PCMT1: variants seen among roughly 807,000 people sequenced by gnomAD.
PCMT1 encodes protein-L-isoaspartate (D-aspartate) O-methyltransferase, also known as protein-L-isoaspartate(D-aspartate) O-methyltransferase.
PCMT1 carries 9 observed loss-of-function variants against 29.2 expected under a neutral mutation model. That is an observed-to-expected ratio of 0.31 (90% CI 0.19 to 0.54). The LOEUF (loss-of-function observed/expected upper bound fraction) is 0.54. Among genes scored for constraint, PCMT1 ranks in the 20% least tolerant of loss-of-function variants. The pLI is 0.95. For synonymous variants in PCMT1, 98 were observed against 97.5 expected, an observed-to-expected ratio of 1.00 and a Z score of -0.03; for missense variants, 184 against 282.2, an observed-to-expected ratio of 0.65 and a Z score of 2.49.
intron 7 of PCMT1, among the ~76,000 whole-genome samples, chr6:149,804,604 C>G (rs1775953498): frequency 6.6e-6 from 1 of 152,058 alleles, no homozygotes; most frequent in Non-Finnish European, 1.5e-5. Flanking sequence ...ACCTCCGTCT[C>G]CCAGGTTCAA....
chr6:149,805,531 T>C (rs1033191671), intron 7 of PCMT1, among the ~76,000 whole-genome samples: 1 of 151,264 alleles, frequency 6.6e-6, no homozygotes, highest in Non-Finnish European at 1.5e-5. Context: ...GAGGCCGAGC[T>C]TGCAGTGAGC....
chr6:149,775,673 A>C (rs1357840364), intron 3 of PCMT1, among the ~76,000 whole-genome samples: 1 of 152,282 alleles, frequency 6.6e-6, no homozygotes, highest in East Asian at 1.9e-4. Flanking sequence ...GTGCTACTGC[A>C]CTCCAGCCTG....
chr6:149,804,943 T>A (rs751150015), intron 7 of PCMT1, among the ~76,000 whole-genome samples: 6 of 152,126 alleles, frequency 3.9e-5, no homozygotes, highest in Non-Finnish European at 5.9e-5. Context: ...CTATTTGTAT[T>A]AAGAAATTTA....
intron 1 of PCMT1, among the ~76,000 whole-genome samples, chr6:149,768,936 T>C (rs1171830516): frequency 6.6e-6 from 1 of 152,124 alleles, no homozygotes; most frequent in African/African-American, 2.4e-5. Flanking sequence ...TGGCTAATTA[T>C]TTTTGCCTTG....
intron 2 of PCMT1, 31 bp from the exon 3 acceptor site, chr6:149,773,107 C>A (rs751204107): frequency 6.4e-7 from 1 of 1,561,736 alleles, no homozygotes; most frequent in Non-Finnish European, 8.8e-7. Flanking sequence ...TTACAGCTGA[C>A]TGTATCAGTA....
intron 3 of PCMT1, among the ~76,000 whole-genome samples, chr6:149,775,935 G>A (rs952689527): frequency 3.3e-5 from 5 of 152,068 alleles, no homozygotes; most frequent in Non-Finnish European, 5.9e-5. Context: ...CAAAGTGGGC[G>A]AATCACCAGA....
intron 6 of PCMT1, chr6:149,796,758 C>A: frequency 3.0e-6 from 1 of 337,942 alleles, no homozygotes; most frequent in South Asian, 1.0e-4. Flanking sequence ...TTGGGAAAAT[C>A]CCTCTGGAGT....
intron 3 of PCMT1, among the ~76,000 whole-genome samples, chr6:149,788,916 A>G (rs889893298): frequency 2.0e-5 from 3 of 152,124 alleles, no homozygotes; most frequent in Admixed American, 6.5e-5. Flanking sequence ...TGCATTCATT[A>G]TGTATCTATA....
At position 149,769,770 on chromosome 6, in the gene PCMT1, ATTTTTTTTTTTT is replaced by A. The variant is rs34274281; in HGVS notation, c.56-1377_56-1366del. Reference sequence around the variant, plus strand: ...TGTGCCATGATCCCCAGCTAATTAAATTTTTTTTTTTTTTTTTTTTTTTTTTGTGGAGACAGG... The same window carrying A: ...TGTGCCATGATCCCCAGCTAATTAAATTTTTTTTTTTTTTGTGGAGACAGG... On this transcript the variant is annotated intron_variant, in intron 1 of 7. Transcript: ENST00000464889. 2.5e-3 allele frequency among the ~76,000 whole-genome samples: 247 copies of A among 99,738 alleles called. 5 individuals carry two copies. The highest frequency in any genetic ancestry group is 0.024 in the Admixed American group (181 of 7,660). 65.4% of individuals were successfully genotyped at this position (99,738 alleles called of 152,430 possible).
At position 149,809,052 on chromosome 6, in the gene PCMT1, C is replaced by T. The variant is rs561012931; in HGVS notation, c.*38-1564C>T. ...GGCAGATCACTTGAGGTCAGGAGTT[C>T]GAGACCAGCCTGAGCAACGTGGTGA... is the stretch of plus-strand genomic sequence containing the variant. On this transcript the variant is annotated intron_variant, in intron 7 of 7. Transcript: ENST00000464889. Among the ~76,000 whole-genome samples the T allele has an allele frequency of 2.1e-4, 32 of 150,038 alleles. No homozygotes were observed. In the East Asian group the frequency reaches 4.2e-3, roughly 19 times the overall value.
At chr6:149,766,500 A>G (rs1312790081) in intron 1 of PCMT1, among the ~76,000 whole-genome samples, 3 of 152,244 alleles carry the variant, frequency 2.0e-5, no homozygotes, top group African/African-American at 7.2e-5. Flanking sequence ...CCCCAACTTC[A>G]TTATGATGTG....
chr6:149,789,066 A>ATTT (rs56661461), intron 3 of PCMT1, among the ~76,000 whole-genome samples: 187 of 90,486 alleles, frequency 2.1e-3, no homozygotes, highest in Non-Finnish European at 2.3e-3. Context: ...ATTGGATCTG[A>ATTT]TTTTTTTTTT....
At chr6:149,787,696 C>T (rs1264633654) in intron 3 of PCMT1, among the ~76,000 whole-genome samples, 2 of 151,996 alleles carry the variant, frequency 1.3e-5, no homozygotes, top group Non-Finnish European at 2.9e-5. Context: ...TAATTTCTGA[C>T]TTACAGAAAT....
At chr6:149,769,770 A>ATT (rs34274281) in intron 1 of PCMT1, among the ~76,000 whole-genome samples, 51 of 99,724 alleles carry the variant, frequency 5.1e-4, no homozygotes, top group Non-Finnish European at 7.4e-4. Context: ...AGCTAATTAA[A>ATT]TTTTTTTTTT....
At chr6:149,795,390 A>C (rs181753761) in intron 5 of PCMT1, 30 of 406,688 alleles carry the variant, frequency 7.4e-5, no homozygotes, top group Non-Finnish European at 1.3e-4. Context: ...ATATCTGGGG[A>C]GATGGTGTTT....
intron 3 of PCMT1, among the ~76,000 whole-genome samples, chr6:149,779,042 C>G (rs1787697855): frequency 6.6e-6 from 1 of 151,774 alleles, no homozygotes; most frequent in Admixed American, 6.6e-5. Flanking sequence ...ATAGCCCCAC[C>G]CCACCCCCCC....
At chr6:149,776,028 G>A (rs922356893) in intron 3 of PCMT1, among the ~76,000 whole-genome samples, 3 of 151,832 alleles carry the variant, frequency 2.0e-5, no homozygotes, top group Non-Finnish European at 2.9e-5. Context: ...GCGTGGTGGC[G>A]CATGCCTGTA....
Position 149,810,891 on chromosome 6 carries a change from GTTCTGTAAAATGGAAAACTTAGT to G in PCMT1, c.*316_*338del. 1 of 357,178 alleles carries G rather than the reference GTTCTGTAAAATGGAAAACTTAGT, an allele frequency of 2.8e-6. No homozygotes were observed. Among genetic ancestry groups the G allele is most frequent in the Non-Finnish European group, 5.0e-6 (1 of 199,560 alleles). 22.1% of individuals were successfully genotyped at this position (357,178 alleles called of 1,614,324 possible). On this transcript the variant is annotated 3_prime_UTR_variant, in exon 8 of 8. Coordinates refer to ENST00000464889, the MANE Select transcript of PCMT1 (RefSeq NM_001360452.2). The stretch of plus-strand genomic sequence containing the variant: ...TTACTTGGAAATATTAAAAGAAAGG[GTTCTGTAAAATGGAAAACTTAGT>G]TTGTGAATTGATTTTGAGGAGTGGT...
chr6:149,786,131 C>G (rs1473953843), intron 3 of PCMT1, among the ~76,000 whole-genome samples: 1 of 132,752 alleles, frequency 7.5e-6, no homozygotes, highest in African/African-American at 3.1e-5. Flanking sequence ...CGCCCCTCAC[C>G]TCCCGGACGG....
Sources: allele counts gnomAD v4.1 joint callset (sites outside exome capture counted in the v4.1 genomes callset), GRCh38; gene constraint gnomAD v4.1.1; transcripts MANE v1.5; gene names NCBI Gene and HGNC (gene_info 2026-07-23, HGNC 2026-07-21).